Variants in SLC20A2 observed in about 807,000 individuals in gnomAD.
The protein encoded by SLC20A2 is solute carrier family 20 member 2, also known as sodium-dependent phosphate transporter 2.
A neutral mutation model predicts 61.0 loss-of-function variants in SLC20A2; 30 were observed. The observed-to-expected ratio is 0.49, with a 90% CI of 0.37 to 0.67. The LOEUF is 0.67. Ranked by LOEUF, SLC20A2 falls within the 30% of genes least tolerant of loss-of-function variation. The pLI is 0.00. For missense variants in SLC20A2, 626 were observed against 866.4 expected (o/e 0.72, Z 3.48); for synonymous variants, 351 against 353.3 (o/e 0.99, Z 0.07).
At chr8:42,452,620 T>G (rs1364560273) in intron 5 of SLC20A2, among the ~76,000 whole-genome samples, 7 of 117,776 alleles carry the variant, frequency 5.9e-5, no homozygotes, top group Admixed American at 2.0e-4. Flanking sequence ...GAGGAAGAGA[T>G]GAAGAGGGGG....
chr8:42,517,112 A>C (rs1811364595), intron 1 of SLC20A2, among the ~76,000 whole-genome samples: 1 of 152,194 alleles, frequency 6.6e-6, no homozygotes, highest in African/African-American at 2.4e-5. Context: ...TCTGCTATCT[A>C]TAGTATTAGT....
intron 4 of SLC20A2, among the ~76,000 whole-genome samples, chr8:42,461,128 C>T (rs1033693412): frequency 1.3e-5 from 2 of 152,156 alleles, no homozygotes; most frequent in African/African-American, 4.8e-5. Context: ...GCAGCAAGAG[C>T]AGGGCAGAAT....
At position 42,519,631 on chromosome 8, in the gene SLC20A2, G is replaced by A. The variant is rs372558781; in HGVS notation, c.-265+22190C>T. Among the ~76,000 whole-genome samples, 25 of 152,122 alleles carry A rather than the reference G, an allele frequency of 1.6e-4. No homozygotes were observed. The East Asian group carries it at 4.6e-3, about 28-fold the overall frequency. ...TTCTCTTTTTCTAACTTCTTACAAA[G>A]AGCACTTCCTTTATCAGGTATGTAA... On this transcript the variant is annotated intron_variant, in intron 1 of 10. Transcript: ENST00000342228.
chr8:42,486,713 C>G (rs1242185087), intron 1 of SLC20A2, among the ~76,000 whole-genome samples: 1 of 152,184 alleles, frequency 6.6e-6, no homozygotes, highest in Non-Finnish European at 1.5e-5. Flanking sequence ...TCACTTCTCT[C>G]TTGTGGGTTC....
intron 3 of SLC20A2, 88 bp downstream of exon 3, chr8:42,465,689 C>CAA (rs376182049): frequency 1.5e-3 from 1,615 of 1,054,888 alleles, no homozygotes; most frequent in Non-Finnish European, 1.7e-3. Flanking sequence ...CACTCCGGGT[C>CAA]AAAAAAAAAA....
intron 1 of SLC20A2, among the ~76,000 whole-genome samples, chr8:42,490,651 T>G (rs1809440756): frequency 6.6e-6 from 1 of 152,104 alleles, no homozygotes; most frequent in Non-Finnish European, 1.5e-5. Flanking sequence ...GTTGCTGACA[T>G]GCCTCACAGG....
At chr8:42,512,355 C>A (rs1300667102) in intron 1 of SLC20A2, among the ~76,000 whole-genome samples, 1 of 143,930 alleles carries the variant, frequency 6.9e-6, no homozygotes, top group East Asian at 2.0e-4. Flanking sequence ...TTGAAAAACT[C>A]TTTTTTTTTT....
chr8:42,506,971 G>C (rs1339839641), intron 1 of SLC20A2, among the ~76,000 whole-genome samples: 1 of 152,170 alleles, frequency 6.6e-6, no homozygotes, highest in African/African-American at 2.4e-5. Context: ...CAAATGAGAA[G>C]GCCACATGGA....
chr8:42,472,312 T>C lies in SLC20A2; in HGVS notation c.79A>G (p.Asn27Asp). 1 of 1,614,158 alleles carries C rather than the reference T, an allele frequency of 6.2e-7. No individual in the cohort carries two copies. The highest frequency in any genetic ancestry group is 1.3e-5 in the African/African-American group (1 of 75,024). ...AFILAFSVGANDVANSFGTAV... is the reference protein window; with the variant it reads ...AFILAFSVGADDVANSFGTAV... Reference sequence around the variant, plus strand: ...GTACCAAAGGAGTTGGCAACATCGTTTGCACCAACAGAAAAGGCCAAGATG... The same window carrying C: ...GTACCAAAGGAGTTGGCAACATCGTCTGCACCAACAGAAAAGGCCAAGATG... Residue 27 changes from asparagine (N) to aspartate (D), a missense_variant, in exon 2 of 11, where the codon AAC (asparagine) becomes GAC (aspartate). Asn to Asp is a conservative substitution (Grantham distance 23, BLOSUM62 1). Coordinates refer to ENST00000520262, the MANE Select transcript of SLC20A2 (RefSeq NM_001257180.2). This position sits in a 1 kb window ranked among gnomAD's most constrained non-coding sequence, Gnocchi z 4.1.
intron 1 of SLC20A2, among the ~76,000 whole-genome samples, chr8:42,488,868 A>G (rs1359485222): frequency 1.3e-5 from 2 of 148,716 alleles, no homozygotes; most frequent in African/African-American, 5.0e-5. Context: ...GGAAATGTCT[A>G]TTAAAGTCCT....
At chr8:42,507,859 G>A (rs1810799764) in intron 1 of SLC20A2, among the ~76,000 whole-genome samples, 1 of 152,162 alleles carries the variant, frequency 6.6e-6, no homozygotes, top group Non-Finnish European at 1.5e-5. Flanking sequence ...GCTTCCAGTT[G>A]TGTTAATCAA....
At chr8:42,515,633 C>T (rs1417800323) in intron 1 of SLC20A2, among the ~76,000 whole-genome samples, 1 of 152,026 alleles carries the variant, frequency 6.6e-6, no homozygotes, top group Non-Finnish European at 1.5e-5. Flanking sequence ...ACGAGGCTAC[C>T]TTCCTAACCT....
At position 42,470,613 on chromosome 8, in the gene SLC20A2, C is replaced by T. The variant is rs534632232; in HGVS notation, c.289+1489G>A. Among the ~76,000 whole-genome samples the T allele has an allele frequency of 3.1e-3, 472 of 152,166 alleles. 3 individuals carry two copies. The highest frequency in any genetic ancestry group is 0.01 in the African/African-American group (430 of 41,492). ...GTACAACAGGCTGCTTCTTATCAGA[C>T]GCCTCGAACAACATGAGATTGGGCC... On this transcript the variant is annotated intron_variant, in intron 2 of 10. Transcript: ENST00000520262.
rs1359422486 is a variant in SLC20A2, at chr8:42,459,815, A to G, written c.613+81T>C. 6 of 935,062 alleles carry G rather than the reference A, an allele frequency of 6.4e-6. No homozygotes were observed. In the African/African-American group the frequency reaches 8.1e-5, roughly 13 times the overall value. The allele number at this position is 935,062 out of a possible 1,614,324, so 57.9% of individuals were successfully genotyped here. On this transcript the variant is annotated intron_variant, in intron 5 of 10. Coordinates refer to ENST00000520262, the MANE Select transcript of SLC20A2 (RefSeq NM_001257180.2). ...GAGTAATGCTTTTTACTGTCAGCCAACAATACCAGCACCAAATAAACTGAT... is the reference window on the plus strand; with the variant it reads ...GAGTAATGCTTTTTACTGTCAGCCAGCAATACCAGCACCAAATAAACTGAT...
At chr8:42,499,867 G>A (rs148527130) in intron 1 of SLC20A2, among the ~76,000 whole-genome samples, 2,758 of 152,226 alleles carry the variant, frequency 0.018, 36 homozygotes, top group Middle Eastern at 0.037. Flanking sequence ...TAAGTATGAA[G>A]TAAGTTTCTT....
chr8:42,426,092 T>C (rs1462557840), intron 10 of SLC20A2, among the ~76,000 whole-genome samples: 1 of 152,134 alleles, frequency 6.6e-6, no homozygotes, highest in East Asian at 1.9e-4. Flanking sequence ...TGATAACATA[T>C]ACATCTATTC....
rs1052304545 is a variant in SLC20A2, at chr8:42,428,757, C to G, written c.1794+1G>C. 4 of 1,610,522 alleles carry G rather than the reference C, an allele frequency of 2.5e-6. No homozygotes were observed. Among genetic ancestry groups the G allele is most frequent in the African/African-American group, 1.3e-5 (1 of 74,752 alleles). On this transcript the variant is annotated splice_donor_variant, in intron 10 of 10. Transcript: ENST00000520262. LOFTEE classifies it high-confidence loss of function. ...AGGGCTCCCGGCTAGCAGGGGCCTACCTTACAGTGCGTGGTGCTGACTGGA... is the reference window on the plus strand; with the variant it reads ...AGGGCTCCCGGCTAGCAGGGGCCTAGCTTACAGTGCGTGGTGCTGACTGGA...
chr8:42,469,677 C>A (rs1295110756), intron 2 of SLC20A2, among the ~76,000 whole-genome samples: 3 of 152,174 alleles, frequency 2.0e-5, no homozygotes, highest in African/African-American at 7.2e-5. Flanking sequence ...CGCCTGTAAT[C>A]CCAGCACTTT....
Position 42,416,846 on chromosome 8 carries a change from T to C in SLC20A2, c.*957A>G, listed in dbSNP as rs890625603. 6.5e-6 allele frequency: 1 copy of C among 152,756 alleles called. No individual in the cohort carries two copies. Among genetic ancestry groups the C allele is most frequent in the Non-Finnish European group, 1.5e-5 (1 of 68,108 alleles). 9.5% of individuals were successfully genotyped at this position (152,756 alleles called of 1,614,324 possible). On this transcript the variant is annotated 3_prime_UTR_variant, in exon 11 of 11. Transcript: ENST00000520262. ...AGGGAGAATTGGGATAGAAACTGAC[T>C]CTGGACTTGACATGTAGTGCTCAGC...
Sources: gnomAD v4.1 joint callset for allele counts (sites outside exome capture counted in the v4.1 genomes callset) on GRCh38, gnomAD v4.1.1 for gene constraint, Gnocchi (gnomAD v3.1) non-coding constraint, MANE v1.5 for transcripts, NCBI Gene and HGNC (gene_info 2026-07-23, HGNC 2026-07-21) for gene names.